The following LAMA4 variants were observed in gnomAD, a reference collection of about 807,000 sequenced individuals.
The protein encoded by LAMA4 is laminin subunit alpha 4.
Under a neutral mutation model 207.1 loss-of-function variants are expected in LAMA4, and 127 were observed. The ratio of observed to expected loss-of-function variants is 0.61; its 90% confidence interval spans 0.53 to 0.71. LAMA4 has a LOEUF of 0.71. LAMA4 is among the 30% of genes least tolerant of loss of function. The pLI is 0.00. For missense variants in LAMA4, 2,093 were observed against 2,246.5 expected, an observed-to-expected ratio of 0.93 and a Z score of 1.38; for synonymous variants, 761 against 816.0, an observed-to-expected ratio of 0.93 and a Z score of 1.15.
chr6:112,209,651 TC>T (rs1181604032), intron 3 of LAMA4, among the ~76,000 whole-genome samples: 2 of 152,240 alleles, frequency 1.3e-5, no homozygotes, highest in African/African-American at 4.8e-5. Flanking sequence ...TATTCCCTTA[TC>T]TGCAAAGTGA....
At chr6:112,172,342 T>C (rs1447549171) in intron 12 of LAMA4, 3 of 419,808 alleles carry the variant, frequency 7.1e-6, no homozygotes, top group African/African-American at 6.0e-5. Context: ...CTTACCCACT[T>C]GCAAGAATAA....
chr6:112,227,902 G>A (rs912407323), intron 2 of LAMA4, among the ~76,000 whole-genome samples: 10 of 149,752 alleles, frequency 6.7e-5, no homozygotes, highest in East Asian at 2.0e-4. Flanking sequence ...GGACTTTTAC[G>A]GTGCTTATTT....
intron 3 of LAMA4, chr6:112,214,206 A>T (rs1267860070): frequency 2.0e-5 from 8 of 408,204 alleles, no homozygotes; most frequent in Non-Finnish European, 3.5e-5. Flanking sequence ...CTGCCCCTTC[A>T]CTTACATTTA....
At position 112,139,236 on chromosome 6, in the gene LAMA4, C is replaced by T. The variant is rs145321940; in HGVS notation, c.3166G>A (p.Gly1056Ser). ...GTGATGTCTCTCACCACGGCATAAC[C>T]GGAGCCATCGAAGAAGTAACTGGCA... Reference protein sequence around the residue: ...RAASYFFDGSGYAVVRDITRR... With the variant: ...RAASYFFDGSSYAVVRDITRR... The change falls in exon 24 of 39, where the codon GGT becomes AGT. Residue 1056 changes from glycine to serine, a missense_variant. Transcript: ENST00000230538. 15 of 1,614,150 alleles carry T rather than the reference C, an allele frequency of 9.3e-6. No individual in the cohort carries two copies. Among genetic ancestry groups the T allele is most frequent in the East Asian group, 4.5e-5 (2 of 44,884 alleles).
chr6:112,216,484 C>T lies in LAMA4; in HGVS notation c.196-15G>A, dbSNP rs371906362. 2 of 1,543,866 alleles carry T rather than the reference C, an allele frequency of 1.3e-6. No homozygotes were observed. Among genetic ancestry groups the T allele is most frequent in the Non-Finnish European group, 1.8e-6 (2 of 1,116,040 alleles). ...GCATTGCATTTCTGCAACAGACACA[C>T]CAAACCATTTTGATTATTGAAAAGA... On this transcript the variant is annotated splice_polypyrimidine_tract_variant and intron_variant, in intron 2 of 38. Coordinates refer to ENST00000230538, the MANE Select transcript of LAMA4 (RefSeq NM_001105206.3).
At chr6:112,191,932 A>C in intron 5 of LAMA4, 82 bp from the exon 6 acceptor site, 1 of 1,058,626 alleles carries the variant, frequency 9.4e-7, no homozygotes, top group East Asian at 2.6e-5. Flanking sequence ...AAGAAGAAAG[A>C]TGTAGTGGAT....
chr6:112,186,878 A>G, intron 8 of LAMA4: 1 of 455,768 alleles, frequency 2.2e-6, no homozygotes. Context: ...GGCTGCTTTT[A>G]ACTTGTTTAC....
At chr6:112,193,714 A>G (rs1453199153) in intron 5 of LAMA4, among the ~76,000 whole-genome samples, 1 of 152,168 alleles carries the variant, frequency 6.6e-6, no homozygotes, top group Non-Finnish European at 1.5e-5. Context: ...CTGGGAGGCT[A>G]CTTCAGTTTT....
At chr6:112,176,673 C>T (rs1028398513) in intron 10 of LAMA4, among the ~76,000 whole-genome samples, 3 of 152,176 alleles carry the variant, frequency 2.0e-5, no homozygotes, top group Admixed American at 2.0e-4. Flanking sequence ...ACTTGTGATG[C>T]TGAATTCTCT....
chr6:112,117,907 A>G lies in LAMA4; in HGVS notation c.4822-9T>C, dbSNP rs915097336. On this transcript the variant is annotated splice_polypyrimidine_tract_variant and intron_variant, in intron 34 of 38. Coordinates refer to ENST00000230538, the MANE Select transcript of LAMA4 (RefSeq NM_001105206.3). This position sits in a 1 kb window ranked among gnomAD's most constrained non-coding sequence, Gnocchi z 4.5. The stretch of plus-strand genomic sequence containing the variant: ...CTGTAGATGGAGTTAATCTGAGGGA[A>G]GAAGATATTTCTTAAAATCAATTTT... The G allele has an allele frequency of 3.1e-6, 5 of 1,612,192 alleles. No homozygotes were observed. The highest frequency in any genetic ancestry group is 3.3e-5 in the Admixed American group (2 of 59,922).
rs587702262 is a variant in LAMA4 at position 112,116,145 on chromosome 6, T to TCAC, written c.4982-155_4982-153dup. The stretch of plus-strand genomic sequence containing the variant: ...AGAAAGTGGCTTTTCCATGTCAAAC[T>TCAC]CACTGTGGAAAGCTCTGTGGGGAAC... On this transcript the variant is annotated intron_variant, in intron 35 of 38. Coordinates refer to ENST00000230538, the MANE Select transcript of LAMA4 (RefSeq NM_001105206.3). 1,169 of 750,244 alleles carry TCAC rather than the reference T, an allele frequency of 1.6e-3. 8 individuals are homozygous for TCAC. The highest frequency in any genetic ancestry group is 9.6e-4 in the Non-Finnish European group (447 of 463,568). 46.5% of individuals were successfully genotyped at this position (750,244 alleles called of 1,614,324 possible). A position where few individuals can be genotyped will look rare whatever the true frequency, so the allele number is the denominator to read the frequency against.
intron 2 of LAMA4, among the ~76,000 whole-genome samples, chr6:112,245,318 G>A (rs1554188462): frequency 6.6e-6 from 1 of 152,142 alleles, no homozygotes; most frequent in African/African-American, 2.4e-5. Flanking sequence ...GGGTTCTATA[G>A]TCCTAGCATC....
At chr6:112,183,179 A>G (rs1329391158) in intron 9 of LAMA4, among the ~76,000 whole-genome samples, 3 of 152,226 alleles carry the variant, frequency 2.0e-5, no homozygotes, top group Non-Finnish European at 4.4e-5. Flanking sequence ...TACTCTATTT[A>G]AAGCCAAATA....
intron 33 of LAMA4, among the ~76,000 whole-genome samples, chr6:112,119,558 T>C (rs1554325397): frequency 2.0e-5 from 3 of 152,254 alleles, no homozygotes; most frequent in African/African-American, 7.2e-5. Context: ...TTATACAGCA[T>C]ATGCCTTTAT....
chr6:112,218,625 A>C (rs1784763815), intron 2 of LAMA4: 1 of 152,268 alleles, frequency 6.6e-6, no homozygotes. Context: ...GTTGGACAGC[A>C]TGCAAGATGA....
intron 2 of LAMA4, among the ~76,000 whole-genome samples, chr6:112,227,589 G>A (rs1168692983): frequency 6.6e-6 from 1 of 152,156 alleles, no homozygotes; most frequent in Non-Finnish European, 1.5e-5. Flanking sequence ...AATAGATTGA[G>A]ACGCTTGTGT....
chr6:112,190,954 T>A (rs1473488543), intron 6 of LAMA4, among the ~76,000 whole-genome samples: 1 of 121,434 alleles, frequency 8.2e-6, no homozygotes, highest in East Asian at 3.1e-4. Flanking sequence ...TTTCCTTTCT[T>A]TCTTTCTTTC....
chr6:112,158,478 T>A (rs1453993733), intron 14 of LAMA4: 11 of 482,448 alleles, frequency 2.3e-5, no homozygotes, highest in Admixed American at 1.4e-4. Flanking sequence ...AGATTTTTTT[T>A]AAATAAAAAA....
intron 2 of LAMA4, among the ~76,000 whole-genome samples, chr6:112,226,229 A>G (rs1785202833): frequency 6.6e-6 from 1 of 152,236 alleles, no homozygotes; most frequent in Non-Finnish European, 1.5e-5. Context: ...CTACTTTTCT[A>G]CTTTGAACCT....
Sources: allele counts gnomAD v4.1 joint callset (sites outside exome capture counted in the v4.1 genomes callset), GRCh38; gene constraint gnomAD v4.1.1; non-coding constraint Gnocchi (gnomAD v3.1); transcripts MANE v1.5; gene names NCBI Gene and HGNC (gene_info 2026-07-23, HGNC 2026-07-21).